The following DCAF1 variants were observed in gnomAD, a reference collection of about 807,000 sequenced individuals.
DCAF1 encodes DDB1 and CUL4 associated factor 1, also known as DDB1- and CUL4-associated factor 1.
Under a neutral mutation model 128.0 loss-of-function variants are expected in DCAF1, and 15 were observed. That is an observed-to-expected ratio of 0.12 (90% CI 0.08 to 0.18). The LOEUF (loss-of-function observed/expected upper bound fraction) is 0.18. DCAF1 is among the 10% of genes least tolerant of loss of function. The pLI is 1.00. For synonymous variants in DCAF1, 610 were observed against 603.0 expected, an observed-to-expected ratio of 1.01 and a Z score of -0.17; for missense variants, 988 against 1,649.5, an observed-to-expected ratio of 0.60 and a Z score of 6.95.
At chr3:51,445,103 G>C (rs911431840) in intron 6 of DCAF1, among the ~76,000 whole-genome samples, 1 of 152,072 alleles carries the variant, frequency 6.6e-6, no homozygotes, top group Non-Finnish European at 1.5e-5. Flanking sequence ...TGTAGGCCAA[G>C]ATTGATAAAA....
At chr3:51,494,099 T>C (rs1469629766) in intron 2 of DCAF1, among the ~76,000 whole-genome samples, 1 of 150,054 alleles carries the variant, frequency 6.7e-6, no homozygotes, top group Non-Finnish European at 1.5e-5. Flanking sequence ...GACTGCTAAA[T>C]GGGTATGAGG....
At position 51,427,471 on chromosome 3, in the gene DCAF1, A is replaced by T; in HGVS notation, c.1748T>A (p.Leu583Gln). The T allele has an allele frequency of 1.3e-6, 1 of 779,988 alleles. No homozygotes were observed. The highest frequency in any genetic ancestry group is 1.3e-5 in the South Asian group (1 of 74,402). 48.3% of individuals were successfully genotyped at this position (779,988 alleles called of 1,614,324 possible). ...GAAAACTTCAGCTGGTTCCCAATAT[A>T]GCTGCGCTGGGCCATATTCTATCAA... ...EFLIEYGPAQ[L>Q]YWEPAEVFLK... is the part of the protein sequence containing the mutation. The change falls in exon 13 of 25, where the codon CTA (leucine) becomes CAA (glutamine). Residue 583 changes from leucine to glutamine, a missense_variant. Coordinates refer to ENST00000684031, the MANE Select transcript of DCAF1 (RefSeq NM_001387579.1).
chr3:51,499,184 C>G (rs1014966257), intron 1 of DCAF1, among the ~76,000 whole-genome samples: 9 of 152,378 alleles, frequency 5.9e-5, no homozygotes, highest in South Asian at 2.1e-4. Context: ...GCAAACGCTT[C>G]TGACACCCCA....
chr3:51,474,264 C>T (rs1237186946), intron 3 of DCAF1, among the ~76,000 whole-genome samples: 2 of 151,960 alleles, frequency 1.3e-5, no homozygotes, highest in East Asian at 3.9e-4. Flanking sequence ...GCTAAAAATA[C>T]AAAAAATTAG....
At chr3:51,418,091 C>A in intron 17 of DCAF1, 25 bp downstream of exon 17, 1 of 1,601,158 alleles carries the variant, frequency 6.2e-7, no homozygotes, top group Non-Finnish European at 8.5e-7. Flanking sequence ...AAAGCACAGA[C>A]TAGGTTCCAA....
chr3:51,451,870 C>A (rs1553641600), intron 6 of DCAF1, among the ~76,000 whole-genome samples: 2 of 151,534 alleles, frequency 1.3e-5, no homozygotes, highest in African/African-American at 4.8e-5. Context: ...TACACTGAAC[C>A]AGCATTTTAA....
intron 6 of DCAF1, among the ~76,000 whole-genome samples, chr3:51,461,644 A>G (rs1203847659): frequency 2.0e-5 from 3 of 152,212 alleles, no homozygotes; most frequent in African/African-American, 7.2e-5. Flanking sequence ...TCACAATAGC[A>G]AAGACTTGGA....
At chr3:51,403,062 G>A (rs199782420) in intron 24 of DCAF1, 81 bp downstream of exon 24, 1 of 1,485,322 alleles carries the variant, frequency 6.7e-7, no homozygotes, top group African/African-American at 1.4e-5. Flanking sequence ...GGTATGGCTT[G>A]CCCTCTAAGT....
chr3:51,468,971 T>C (rs1344941044), intron 4 of DCAF1, among the ~76,000 whole-genome samples: 1 of 152,210 alleles, frequency 6.6e-6, no homozygotes, highest in Non-Finnish European at 1.5e-5. Flanking sequence ...TACTTCTTCA[T>C]GCTCTGATTT....
chr3:51,455,210 T>C (rs1702769642), intron 6 of DCAF1, among the ~76,000 whole-genome samples: 2 of 152,092 alleles, frequency 1.3e-5, no homozygotes, highest in African/African-American at 4.8e-5. Context: ...AAATAATAAA[T>C]ACCACGAAGA....
At chr3:51,446,223 G>A (rs1487311241) in intron 6 of DCAF1, among the ~76,000 whole-genome samples, 1 of 152,022 alleles carries the variant, frequency 6.6e-6, no homozygotes, top group African/African-American at 2.4e-5. Context: ...TTGAACTCCT[G>A]ACCTCAGGGG....
At chr3:51,417,916 T>A (rs1553630949) in intron 17 of DCAF1, among the ~76,000 whole-genome samples, 200 bp downstream of exon 17, 1 of 151,864 alleles carries the variant, frequency 6.6e-6, no homozygotes, top group African/African-American at 2.4e-5. Context: ...ATAATGAGAA[T>A]GTATATACCT....
chr3:51,481,124 T>C (rs752777984), intron 3 of DCAF1, among the ~76,000 whole-genome samples: 5 of 152,190 alleles, frequency 3.3e-5, no homozygotes, highest in African/African-American at 9.6e-5. Flanking sequence ...TTTTTATGCA[T>C]TGATTTCTTA....
intron 17 of DCAF1, 112 bp downstream of exon 17, chr3:51,418,004 A>G: frequency 7.3e-7 from 1 of 1,375,114 alleles, no homozygotes; most frequent in Non-Finnish European, 9.8e-7. Flanking sequence ...GAAGTTAACA[A>G]TAACCGACAG....
intron 13 of DCAF1, among the ~76,000 whole-genome samples, chr3:51,423,311 G>C (rs1699586321): frequency 6.6e-6 from 1 of 151,468 alleles, no homozygotes; most frequent in Non-Finnish European, 1.5e-5. Flanking sequence ...GGGCAACATG[G>C]CCAAACCCTG....
intron 13 of DCAF1, among the ~76,000 whole-genome samples, chr3:51,423,877 T>C (rs1330177083): frequency 6.6e-6 from 1 of 150,698 alleles, no homozygotes; most frequent in Non-Finnish European, 1.5e-5. Context: ...TATTAAGATG[T>C]TCATTAGCCA....
At chr3:51,400,166 A>G (rs3792408) in intron 24 of DCAF1, among the ~76,000 whole-genome samples, 11,079 of 152,260 alleles carry the variant, frequency 0.073, 966 homozygotes, top group East Asian at 0.33. Context: ...GTATTGGTGA[A>G]GAGTAGGAAA....
intron 13 of DCAF1, among the ~76,000 whole-genome samples, chr3:51,424,272 C>T (rs1371693205): frequency 6.6e-6 from 1 of 151,852 alleles, no homozygotes; most frequent in South Asian, 2.1e-4. Flanking sequence ...TGGTAGTGGG[C>T]GCCTGTAGTC....
At chr3:51,505,622 C>T in the DCAF1 span, among the ~76,000 whole-genome samples, 1 of 152,252 alleles carries the variant, frequency 6.6e-6, no homozygotes, top group Non-Finnish European at 1.5e-5. Context: ...GCTCCTGCTT[C>T]AGCAGGTCCA....
Sources: allele counts gnomAD v4.1 joint callset (sites outside exome capture counted in the v4.1 genomes callset), GRCh38; gene constraint gnomAD v4.1.1; transcripts MANE v1.5; gene names NCBI Gene and HGNC (gene_info 2026-07-23, HGNC 2026-07-21).